ASPH: variants seen among roughly 807,000 people sequenced by gnomAD.
ASPH encodes aspartyl/asparaginyl beta-hydroxylase.
ASPH carries 100 observed loss-of-function variants against 118.4 expected under a neutral mutation model. That is an observed-to-expected ratio of 0.84 (90% CI 0.72 to 1.00). The LOEUF (loss-of-function observed/expected upper bound fraction) is 1.00, where lower values mean the gene tolerates loss of function less well. ASPH is among the 50% of genes least tolerant of loss of function. ASPH has a pLI of 0.00. For synonymous variants in ASPH, 315 were observed against 325.6 expected, an observed-to-expected ratio of 0.97 and a Z score of 0.35; for missense variants, 920 against 919.5, an observed-to-expected ratio of 1.00 and a Z score of -0.01.
chr8:61,657,814 T>C (rs1355525497), intron 3 of ASPH: 1 of 152,224 alleles, frequency 6.6e-6, no homozygotes, highest in African/African-American at 2.4e-5. Context: ...GAAACAATTA[T>C]AAACTTACTT....
chr8:61,578,268 C>T (rs2132235576), intron 15 of ASPH: 3 of 1,586,166 alleles, frequency 1.9e-6, no homozygotes, highest in Non-Finnish European at 2.6e-6. Flanking sequence ...CACCTCTGGC[C>T]CCCGGGCCTT....
At chr8:61,551,258 A>G (rs1017975828) in intron 20 of ASPH, among the ~76,000 whole-genome samples, 3 of 152,200 alleles carry the variant, frequency 2.0e-5, no homozygotes, top group Admixed American at 2.0e-4. Context: ...TTTTCTTGTC[A>G]GTCTCTGCAG....
chr8:61,679,009 A>G (rs1322421421), intron 3 of ASPH, among the ~76,000 whole-genome samples: 2 of 152,120 alleles, frequency 1.3e-5, no homozygotes, highest in Non-Finnish European at 2.9e-5. Context: ...CTAAACTACA[A>G]TAATCTCACA....
intron 1 of ASPH, among the ~76,000 whole-genome samples, chr8:61,712,871 G>T (rs191874097): frequency 3.9e-5 from 6 of 152,178 alleles, no homozygotes; most frequent in Non-Finnish European, 8.8e-5. Flanking sequence ...AATAGCTACA[G>T]AAACCTTTTG....
chr8:61,565,762 G>C (rs1178004311), intron 17 of ASPH, among the ~76,000 whole-genome samples: 3 of 152,196 alleles, frequency 2.0e-5, no homozygotes, highest in Non-Finnish European at 2.9e-5. Flanking sequence ...GAGAGGAGAA[G>C]TCAATGCCTG....
intron 13 of ASPH, chr8:61,625,223 CATTA>C: frequency 1.0e-6 from 1 of 985,704 alleles, no homozygotes; most frequent in Middle Eastern, 5.2e-4. Flanking sequence ...AAATAAACCA[CATTA>C]AATAAGAAGA....
At chr8:61,546,143 C>T (rs1199286134) in intron 21 of ASPH, among the ~76,000 whole-genome samples, 1 of 152,222 alleles carries the variant, frequency 6.6e-6, no homozygotes, top group East Asian at 1.9e-4. Flanking sequence ...CTTCCAGTGG[C>T]TGCTGGCAGC....
chr8:61,507,324 C>A lies in ASPH; in HGVS notation c.2127-3815G>T, dbSNP rs145878698. ...TAAATAAGAAATTTGGGGAGGTATACCAAAGGGTTGTTAATTGGCCTGTTT... is the reference window on the plus strand; with the variant it reads ...TAAATAAGAAATTTGGGGAGGTATAACAAAGGGTTGTTAATTGGCCTGTTT... On this transcript the variant is annotated intron_variant, in intron 24 of 24. Coordinates refer to ENST00000379454, the MANE Select transcript of ASPH (RefSeq NM_004318.4). Among the ~76,000 whole-genome samples, 13 of 152,216 alleles carry A rather than the reference C, an allele frequency of 8.5e-5. No homozygotes were observed. The East Asian group carries it at 2.5e-3, about 29-fold the overall frequency.
chr8:61,514,508 G>A (rs1563653364), intron 24 of ASPH, among the ~76,000 whole-genome samples: 1 of 152,070 alleles, frequency 6.6e-6, no homozygotes, highest in Non-Finnish European at 1.5e-5. Context: ...AGGAGATCGA[G>A]ACCATCCTGG....
rs374505541 is a variant in ASPH, at chr8:61,677,265, G to A, written c.322+3703C>T. On this transcript the variant is annotated intron_variant, in intron 3 of 24. Coordinates refer to ENST00000379454, the MANE Select transcript of ASPH (RefSeq NM_004318.4). ...TTTTCATCATTTGTTTTTTTCCTGT[G>A]AAGAACTGGCTCTGGGTAGCAAAGG... Among the ~76,000 whole-genome samples the A allele has an allele frequency of 8.7e-4, 133 of 152,166 alleles. No individual in the cohort carries two copies. The Middle Eastern group carries it at 0.02, about 23-fold the overall frequency.
At chr8:61,662,942 A>T (rs1817654879) in intron 3 of ASPH, 3 of 985,302 alleles carry the variant, frequency 3.0e-6, no homozygotes, top group Non-Finnish European at 2.4e-6. Flanking sequence ...TCTGCCACAT[A>T]GCCATTGAAC....
chr8:61,530,494 C>CCTGCAT (rs1313997880), intron 21 of ASPH, among the ~76,000 whole-genome samples: 6 of 152,210 alleles, frequency 3.9e-5, no homozygotes, highest in African/African-American at 1.4e-4. Flanking sequence ...GAATCCCAGA[C>CCTGCAT]CTGCATCCAG....
chr8:61,699,068 T>C (rs1834623577), intron 1 of ASPH, among the ~76,000 whole-genome samples: 1 of 152,232 alleles, frequency 6.6e-6, no homozygotes, highest in African/African-American at 2.4e-5. Flanking sequence ...CGCTGGGACA[T>C]GCCATATCAG....
At chr8:61,699,525 C>T (rs1589292884) in intron 1 of ASPH, among the ~76,000 whole-genome samples, 1 of 151,888 alleles carries the variant, frequency 6.6e-6, no homozygotes, top group East Asian at 1.9e-4. Context: ...TCTTCTAATT[C>T]TAAAAATTCA....
intron 13 of ASPH, among the ~76,000 whole-genome samples, chr8:61,629,193 T>G (rs1006426733): frequency 6.6e-6 from 1 of 152,216 alleles, no homozygotes; most frequent in Non-Finnish European, 1.5e-5. Flanking sequence ...GAAACCATGA[T>G]GCTCACATAC....
chr8:61,664,683 G>C, intron 3 of ASPH: 1 of 986,184 alleles, frequency 1.0e-6, no homozygotes, highest in Non-Finnish European at 1.2e-6. Flanking sequence ...AGAGGGAAAA[G>C]GGGAAGGAGA....
intron 21 of ASPH, among the ~76,000 whole-genome samples, chr8:61,533,465 T>C: frequency 6.6e-6 from 1 of 152,210 alleles, no homozygotes; most frequent in East Asian, 1.9e-4. Context: ...ATTCTTTTTG[T>C]TTTGTTCATC....
At chr8:61,642,509 T>C (rs930245123) in intron 10 of ASPH, among the ~76,000 whole-genome samples, 6 of 152,218 alleles carry the variant, frequency 3.9e-5, no homozygotes, top group African/African-American at 1.4e-4. Context: ...TAAAGCATAA[T>C]GTTCCACATC....
At chr8:61,516,242 G>A (rs1487076097) in intron 24 of ASPH, among the ~76,000 whole-genome samples, 1 of 152,162 alleles carries the variant, frequency 6.6e-6, no homozygotes, top group African/African-American at 2.4e-5. Flanking sequence ...GAGTGTCTGT[G>A]AGCAGGTGAG....
Sources: allele counts gnomAD v4.1 joint callset (sites outside exome capture counted in the v4.1 genomes callset), GRCh38; gene constraint gnomAD v4.1.1; transcripts MANE v1.5; gene names NCBI Gene and HGNC (gene_info 2026-07-23, HGNC 2026-07-21).